The following STAG1 variants were observed in gnomAD, a reference collection of about 807,000 sequenced individuals.
STAG1 encodes the protein STAG1 cohesin complex component, also known as cohesin subunit SA-1.
A neutral mutation model predicts 170.9 loss-of-function variants in STAG1; 26 were observed. The ratio of observed to expected loss-of-function variants is 0.15; its 90% confidence interval spans 0.11 to 0.21. The LOEUF is 0.21. Among genes scored for constraint, STAG1 ranks in the 10% least tolerant of loss-of-function variants. The pLI, the probability that STAG1 is intolerant of heterozygous loss-of-function variation, is 1.00. For synonymous variants in STAG1, 514 were observed against 497.7 expected (o/e 1.03, Z -0.44); for missense variants, 964 against 1,509.5 (o/e 0.64, Z 5.99).
chr3:136,566,769 C>T (rs943454251), intron 5 of STAG1, among the ~76,000 whole-genome samples: 7 of 152,006 alleles, frequency 4.6e-5, no homozygotes, highest in Non-Finnish European at 7.4e-5. Context: ...TTTATAAAGA[C>T]CAAATAAGGT....
chr3:136,685,549 A>G (rs1212242452), intron 1 of STAG1, among the ~76,000 whole-genome samples: 2 of 152,234 alleles, frequency 1.3e-5, no homozygotes, highest in Non-Finnish European at 2.9e-5. Flanking sequence ...CTGACTGACA[A>G]AACTTGGAAG....
At position 136,513,262 on chromosome 3, in the gene STAG1, G is replaced by C. The variant is rs536604505; in HGVS notation, c.676+7951C>G. ...CTCAGCTACTCAGGAGGCTGAGGTC[G>C]GAGAGTATCCCTTGAACCCAGGAGG... On this transcript the variant is annotated intron_variant, in intron 7 of 33. Coordinates refer to ENST00000383202, the MANE Select transcript of STAG1 (RefSeq NM_005862.3). 1.1e-3 allele frequency among the ~76,000 whole-genome samples: 174 copies of C among 152,054 alleles called. 1 individual carries two copies. Among genetic ancestry groups the C allele is most frequent in the African/African-American group, 4.0e-3 (166 of 41,498 alleles).
intron 30 of STAG1, among the ~76,000 whole-genome samples, chr3:136,342,196 T>A (rs1010359066): frequency 2.6e-5 from 4 of 150,946 alleles, no homozygotes; most frequent in African/African-American, 9.7e-5. Flanking sequence ...ATTTTTTGTA[T>A]TTTTAGTAGA....
chr3:136,385,587 T>C (rs1448511229), intron 22 of STAG1, among the ~76,000 whole-genome samples: 1 of 152,228 alleles, frequency 6.6e-6, no homozygotes, highest in African/African-American at 2.4e-5. Flanking sequence ...GCTAAGGTTT[T>C]TGCTTCCTGG....
At chr3:136,630,797 C>T (rs907845225) in intron 2 of STAG1, 73 bp downstream of exon 2, 3 of 1,030,542 alleles carry the variant, frequency 2.9e-6, no homozygotes, top group South Asian at 1.4e-5. Context: ...TCGAAGAGAG[C>T]ATTTTGATAA....
intron 1 of STAG1, among the ~76,000 whole-genome samples, chr3:136,662,286 G>C (rs1052759137): frequency 9.2e-5 from 14 of 151,776 alleles, no homozygotes; most frequent in African/African-American, 3.4e-4. Flanking sequence ...CAAGTAACTG[G>C]GATTACAGGT....
intron 9 of STAG1, among the ~76,000 whole-genome samples, chr3:136,484,819 C>A (rs1356335205): frequency 6.8e-6 from 1 of 146,414 alleles, no homozygotes; most frequent in Non-Finnish European, 1.5e-5. Context: ...GCGCAATATT[C>A]GGGTGGGAGT....
chr3:136,339,300 G>A (rs58336248), intron 32 of STAG1, among the ~76,000 whole-genome samples: 9,475 of 152,178 alleles, frequency 0.062, 986 homozygotes, highest in African/African-American at 0.21. Context: ...CCAGGTGGGC[G>A]GATCACGAGG....
chr3:136,452,083 G>A lies in STAG1; in HGVS notation c.1378C>T (p.Pro460Ser), dbSNP rs774156196. 2 of 1,613,412 alleles carry A rather than the reference G, an allele frequency of 1.2e-6. No homozygotes were observed. Among genetic ancestry groups the A allele is most frequent in the Non-Finnish European group, 1.7e-6 (2 of 1,179,816 alleles). Residue 460 changes from proline to serine, a missense_variant, in exon 14 of 34, where the codon CCG (proline) becomes TCG (serine). By Grantham distance (74) the Pro-to-Ser change is moderately conservative. Around this residue, in one of 11 missense-constraint regions of STAG1, gnomAD observed 162 missense variants for 211.2 expected, o/e 0.77. Transcript: ENST00000383202. The stretch of plus-strand genomic sequence containing the variant: ...AGCATCCTAATGAGGTTTCCATTCG[G>A]GCTGTTTCTTCCCCTCCTCTTTGCT... ...ALAKRRGRNSPNGNLIRMLVL... is the reference protein window; with the variant it reads ...ALAKRRGRNSSNGNLIRMLVL...
At chr3:136,629,933 T>C (rs1940262963) in intron 2 of STAG1, among the ~76,000 whole-genome samples, 1 of 152,062 alleles carries the variant, frequency 6.6e-6, no homozygotes, top group Admixed American at 6.6e-5. Context: ...CAGTGACTCA[T>C]GCATGTAATC....
At chr3:136,690,796 T>G (rs867922619) in intron 1 of STAG1, among the ~76,000 whole-genome samples, 1 of 151,856 alleles carries the variant, frequency 6.6e-6, no homozygotes, top group South Asian at 2.1e-4. Flanking sequence ...TTAGAAGAGC[T>G]TTGATACTAT....
chr3:136,701,931 G>T (rs1312466585), intron 1 of STAG1, among the ~76,000 whole-genome samples: 1 of 151,782 alleles, frequency 6.6e-6, no homozygotes, highest in Non-Finnish European at 1.5e-5. Flanking sequence ...GATTTTAACT[G>T]CTAAGTCAAA....
intron 23 of STAG1, among the ~76,000 whole-genome samples, chr3:136,374,809 C>CA (rs1162696614): frequency 6.6e-6 from 1 of 152,054 alleles, no homozygotes; most frequent in African/African-American, 2.4e-5. Flanking sequence ...GTGTATGGTA[C>CA]ATATAGAGTC....
chr3:136,563,447 A>C (rs1030475217), intron 5 of STAG1, among the ~76,000 whole-genome samples: 5 of 152,020 alleles, frequency 3.3e-5, no homozygotes, highest in Non-Finnish European at 5.9e-5. Flanking sequence ...ACTATTCAAA[A>C]ACTATAAAAC....
intron 1 of STAG1, among the ~76,000 whole-genome samples, chr3:136,655,219 C>A (rs1235817190): frequency 1.3e-5 from 2 of 152,130 alleles, no homozygotes; most frequent in Non-Finnish European, 2.9e-5. Flanking sequence ...CAGGAGAAAA[C>A]CTTTGCCAAG....
chr3:136,368,197 G>T (rs1335759685), intron 24 of STAG1, among the ~76,000 whole-genome samples: 1 of 152,154 alleles, frequency 6.6e-6, no homozygotes, highest in African/African-American at 2.4e-5. Context: ...TTTCCAAAAT[G>T]TTGTGAAAGA....
At chr3:136,529,844 C>T (rs995778195) in intron 6 of STAG1, among the ~76,000 whole-genome samples, 2 of 152,074 alleles carry the variant, frequency 1.3e-5, no homozygotes, top group African/African-American at 4.8e-5. Context: ...TACAAAACAA[C>T]CAGAAAACAA....
intron 1 of STAG1, among the ~76,000 whole-genome samples, chr3:136,649,215 C>A (rs1437956192): frequency 6.6e-6 from 1 of 152,104 alleles, no homozygotes; most frequent in Non-Finnish European, 1.5e-5. Flanking sequence ...GGGGCGGTGG[C>A]TTGTGCCTGT....
At chr3:136,714,955 A>ATATAT (rs1553770557) in intron 1 of STAG1, among the ~76,000 whole-genome samples, 3 of 68,220 alleles carry the variant, frequency 4.4e-5, no homozygotes, top group Non-Finnish European at 1.1e-4. Flanking sequence ...ATATATATAT[A>ATATAT]TATATATATT....
Sources: allele counts gnomAD v4.1 joint callset (sites outside exome capture counted in the v4.1 genomes callset), GRCh38; gene constraint gnomAD v4.1.1; regional missense constraint gnomAD v4.1.1; transcripts MANE v1.5; gene names NCBI Gene and HGNC (gene_info 2026-07-23, HGNC 2026-07-21).